Variants in KIAA1671 observed in about 807,000 individuals in gnomAD.
KIAA1671 encodes the protein KIAA1671.
KIAA1671 carries 52 observed loss-of-function variants against 131.2 expected under a neutral mutation model. That is an observed-to-expected ratio of 0.40 (90% CI 0.32 to 0.50). The LOEUF is 0.50. Among genes scored for constraint, KIAA1671 ranks in the 20% least tolerant of loss-of-function variants. KIAA1671 has a pLI of 0.73. For missense variants in KIAA1671, 2,360 were observed against 2,364.2 expected, an observed-to-expected ratio of 1.00 and a Z score of 0.04; for synonymous variants, 1,003 against 961.6, an observed-to-expected ratio of 1.04 and a Z score of -0.80.
rs1484569174 is a variant in KIAA1671, at chr22:24,979,450, T to C, written c.-208+26678T>C. Among the ~76,000 whole-genome samples, 15 of 151,064 alleles carry C rather than the reference T, an allele frequency of 9.9e-5. No individual in the cohort carries two copies. In the East Asian group the frequency reaches 2.9e-3, roughly 30 times the overall value. ...CTGCAAGCTCCACCTCCCAGGTTCA[T>C]GCCATTCTCCTGCCTCAGCCTCCCA... On this transcript the variant is annotated intron_variant, in intron 1 of 12. Transcript: ENST00000358431.
intron 6 of KIAA1671, among the ~76,000 whole-genome samples, chr22:25,093,818 CTCTCTTTCTCTCTCTG>C (rs1568951477): frequency 4.1e-5 from 4 of 96,762 alleles, no homozygotes; most frequent in Admixed American, 1.1e-4. Context: ...CTCTGTCTCT[CTCTCTTTCTCTCTCTG>C]TCTGTCTCTC....
At chr22:25,184,876 CG>C (rs989482603) in intron 10 of KIAA1671, 100 bp from the exon 11 acceptor site, 1 of 1,413,896 alleles carries the variant, frequency 7.1e-7, no homozygotes, top group African/African-American at 1.4e-5. Flanking sequence ...CAGGGGGCCC[CG>C]AGTGTTTGCA....
rs1394741255 is a variant in KIAA1671 at position 25,038,742 on chromosome 22, CTTTT to C, written c.1630-16_1630-13del. 4.0e-6 allele frequency: 6 copies of C among 1,513,836 alleles called. No individual in the cohort carries two copies. The African/African-American group carries it at 7.0e-5, about 18-fold the overall frequency. 93.8% of individuals were successfully genotyped at this position (1,513,836 alleles called of 1,614,324 possible). ...CTTAAACACTGAGGTGTTTCTTTTT[CTTTT>C]TGTTTCTTTCCAGCAAAAGGAGGGG... On this transcript the variant is annotated splice_polypyrimidine_tract_variant and intron_variant, in intron 4 of 12. Coordinates refer to ENST00000358431, the MANE Select transcript of KIAA1671 (RefSeq NM_001145206.2).
In KIAA1671 at chr22:25,074,788, C is replaced by T. The variant is rs571302203; in HGVS notation, c.4530+25424C>T. Among the ~76,000 whole-genome samples the T allele has an allele frequency of 2.0e-4, 31 of 152,254 alleles. No individual in the cohort carries two copies. In the East Asian group the frequency reaches 5.8e-3, roughly 28 times the overall value. On this transcript the variant is annotated intron_variant, in intron 6 of 12. Coordinates refer to ENST00000358431, the MANE Select transcript of KIAA1671 (RefSeq NM_001145206.2). The stretch of plus-strand genomic sequence containing the variant: ...CTTTATCCATTCATCTGCAACTGGA[C>T]ACTTCGGGTGTGTCCACCTCTTGGC...
At position 25,039,994 on chromosome 22, in the gene KIAA1671, A is replaced by G. The variant is rs1164492580; in HGVS notation, c.2864A>G (p.Asn955Ser). Residue 955 changes from asparagine (N) to serine (S), a missense_variant, in exon 5 of 13, where the codon AAC becomes AGC. Asn to Ser is a conservative substitution (Grantham distance 46). Transcript: ENST00000358431. ...DRWRRRTLPP[N>S]VKFDTFSSLV... ...TGGCGGCGGCGGACTTTACCCCCCA[A>G]CGTGAAATTTGATACATTCAGTTCT... The G allele has an allele frequency of 1.4e-5, 21 of 1,551,080 alleles. No individual in the cohort carries two copies. Among genetic ancestry groups the G allele is most frequent in the African/African-American group, 2.7e-5 (2 of 73,034 alleles).
chr22:25,067,404 T>C (rs1473090196), intron 6 of KIAA1671, among the ~76,000 whole-genome samples: 1 of 152,100 alleles, frequency 6.6e-6, no homozygotes, highest in East Asian at 1.9e-4. Flanking sequence ...CTGGCTTACT[T>C]TCTCTGACTT....
intron 1 of KIAA1671, chr22:25,024,059 T>G (rs1233102048): frequency 6.6e-6 from 1 of 152,212 alleles, no homozygotes; most frequent in Non-Finnish European, 1.5e-5. Flanking sequence ...TGCTAGGCAT[T>G]TGCAATGGTA....
intron 7 of KIAA1671, among the ~76,000 whole-genome samples, chr22:25,171,700 CAGAG>C (rs1444269418): frequency 2.0e-5 from 3 of 150,968 alleles, no homozygotes; most frequent in Non-Finnish European, 4.4e-5. Context: ...GCCTGGGCGA[CAGAG>C]AGAGACACCT....
rs1933947854 is a variant in KIAA1671 at position 25,174,293 on chromosome 22, C to T, written c.4703C>T (p.Pro1568Leu). The change falls in exon 8 of 13, where the codon CCC (proline) becomes CTC (leucine). Residue 1568 changes from proline to leucine, a missense_variant. Around this residue, in one of 3 missense-constraint regions of KIAA1671, gnomAD observed 1,161 missense variants for 1,204.7 expected, o/e 0.96. Transcript: ENST00000358431. ...GCCACATCGACAAGGAAACAGCCCC[C>T]CAGCAGCCGTTTGTCTTCTCTGTCC... ...SSATSTRKQP[P>L]SSRLSSLSSQ... 1 of 1,551,804 alleles carries T rather than the reference C, an allele frequency of 6.4e-7. No homozygotes were observed. The highest frequency in any genetic ancestry group is 2.0e-5 in the Admixed American group (1 of 51,014).
At chr22:25,154,464 A>G (rs1933158856) in intron 6 of KIAA1671, among the ~76,000 whole-genome samples, 1 of 152,198 alleles carries the variant, frequency 6.6e-6, no homozygotes, top group South Asian at 2.1e-4. Flanking sequence ...TATACCATCC[A>G]CTTGGGTGTT....
At chr22:24,998,926 G>C (rs1362130155) in intron 1 of KIAA1671, among the ~76,000 whole-genome samples, 1 of 151,690 alleles carries the variant, frequency 6.6e-6, no homozygotes, top group Non-Finnish European at 1.5e-5. Context: ...ATGGACATTT[G>C]AGTGGTTTCC....
chr22:25,014,228 G>C (rs1925189080), intron 1 of KIAA1671: 1 of 152,176 alleles, frequency 6.6e-6, no homozygotes, highest in South Asian at 2.1e-4. Flanking sequence ...CTGCTGTATA[G>C]GGTGTATAGC....
chr22:25,058,611 A>G (rs565029268), intron 6 of KIAA1671: 1 of 152,324 alleles, frequency 6.6e-6, no homozygotes, highest in South Asian at 2.1e-4. Flanking sequence ...AGTTGTTTAT[A>G]TAAAAACGAG....
chr22:25,150,933 C>T (rs983774738), intron 6 of KIAA1671, among the ~76,000 whole-genome samples: 3 of 151,548 alleles, frequency 2.0e-5, no homozygotes, highest in African/African-American at 7.3e-5. Context: ...CCCGGGTTCA[C>T]ACCATTCTCC....
At chr22:25,079,755 A>G (rs986146500) in intron 6 of KIAA1671, among the ~76,000 whole-genome samples, 1 of 152,188 alleles carries the variant, frequency 6.6e-6, no homozygotes, top group African/African-American at 2.4e-5. Context: ...CGGGCCTTGC[A>G]GTCACTCTAA....
Position 25,174,375 on chromosome 22 carries a change from G to T in KIAA1671, c.4785G>T (p.Arg1595=). 1 of 1,552,052 alleles carries T rather than the reference G, an allele frequency of 6.4e-7. No homozygotes were observed. Among genetic ancestry groups the T allele is most frequent in the Non-Finnish European group, 8.7e-7 (1 of 1,147,084 alleles). ...GDQYDCSRDQ[R]STSVDHSSTD... is the part of the protein sequence containing the mutation. ...AGTATGACTGCTCCAGGGACCAGCGGAGCACCAGCGTGGACCACTCCAGCA... is the reference window on the plus strand; with the variant it reads ...AGTATGACTGCTCCAGGGACCAGCGTAGCACCAGCGTGGACCACTCCAGCA... Residue 1595 remains arginine (R), a synonymous_variant, in exon 8 of 13, where the codon CGG becomes CGT. Coordinates refer to ENST00000358431, the MANE Select transcript of KIAA1671 (RefSeq NM_001145206.2).
At chr22:25,096,495 C>T (rs1256691668) in intron 6 of KIAA1671, among the ~76,000 whole-genome samples, 1 of 152,200 alleles carries the variant, frequency 6.6e-6, no homozygotes. Flanking sequence ...TCTTCCCTCC[C>T]TGTTGCCCGT....
At chr22:25,154,966 A>C (rs1352438641) in intron 6 of KIAA1671, among the ~76,000 whole-genome samples, 11 of 151,386 alleles carry the variant, frequency 7.3e-5, no homozygotes, top group Admixed American at 6.6e-4. Context: ...TGATATCCCC[A>C]CCTGTCTTGT....
Position 25,093,842 on chromosome 22 carries a change from C to CTG in KIAA1671, c.4530+44479_4530+44480insGT, listed in dbSNP as rs1930255401. Among the ~76,000 whole-genome samples, 6 of 64,114 alleles carry CTG rather than the reference C, an allele frequency of 9.4e-5. 1 individual carries two copies. The highest frequency in any genetic ancestry group is 1.7e-4 in the Non-Finnish European group (5 of 28,986). 42.1% of individuals were successfully genotyped at this position (64,114 alleles called of 152,430 possible). On this transcript the variant is annotated intron_variant, in intron 6 of 12. Transcript: ENST00000358431. ...TCTCTCTTTCTCTCTCTGTCTGTCT[C>CTG]TCTCTCTCTCTCTCTCTCTCTCTCT... is the stretch of plus-strand genomic sequence containing the variant.
Sources: gnomAD v4.1 joint callset for allele counts (sites outside exome capture counted in the v4.1 genomes callset) on GRCh38, gnomAD v4.1.1 for gene constraint, gnomAD v4.1.1 regional missense constraint, MANE v1.5 for transcripts, NCBI Gene and HGNC (gene_info 2026-07-23, HGNC 2026-07-21) for gene names.